CFAP54: variants seen among roughly 807,000 people sequenced by gnomAD.
The protein encoded by CFAP54 is cilia and flagella associated protein 54.
In CFAP54, 290 loss-of-function variants were observed where a neutral mutation model predicts 370.4. That is an observed-to-expected ratio of 0.78 (90% CI 0.71 to 0.86). The LOEUF (loss-of-function observed/expected upper bound fraction) is 0.86. CFAP54 is among the 40% of genes least tolerant of loss of function. CFAP54 has a pLI of 0.00. For synonymous variants in CFAP54, 1,206 were observed against 1,236.5 expected (o/e 0.98, Z 0.52); for missense variants, 3,399 against 3,528.7 (o/e 0.96, Z 0.93).
chr12:96,607,835 A>G (rs1333464676), intron 26 of CFAP54, among the ~76,000 whole-genome samples: 1 of 152,014 alleles, frequency 6.6e-6, no homozygotes, highest in Non-Finnish European at 1.5e-5. Flanking sequence ...AAGTTAAAAC[A>G]CTGGAGCAAC....
chr12:96,576,501 T>G, intron 19 of CFAP54, 84 bp from the exon 20 acceptor site: 1 of 1,020,464 alleles, frequency 9.8e-7, no homozygotes, highest in South Asian at 2.0e-5. Context: ...AATATAACAT[T>G]GTTTAACATC....
At position 96,519,005 on chromosome 12, in the gene CFAP54, G is replaced by A; in HGVS notation, c.876G>A (p.Trp292Ter). The A allele has an allele frequency of 6.5e-7, 1 of 1,536,016 alleles. No individual in the cohort carries two copies. Residue 292 changes from tryptophan (W) to a stop codon, truncating the protein, a stop_gained, in exon 6 of 68, where the codon TGG becomes TGA. Coordinates refer to ENST00000524981, the MANE Select transcript of CFAP54 (RefSeq NM_001306084.2). LOFTEE classifies it high-confidence loss of function. The part of the protein sequence containing the change: ...VPLLSLRYLT[W>*]RATLYTAVCQ... ...TCCTGTCACTCAGGTACTTGACATG[G>A]CGCGCTACTCTCTACACAGCTGTTT...
intron 52 of CFAP54, 75 bp downstream of exon 52, chr12:96,742,661 AT>A: frequency 7.5e-7 from 1 of 1,326,820 alleles, no homozygotes; most frequent in Non-Finnish European, 1.0e-6. Context: ...ATTGGGATAT[AT>A]TTTATTATGT....
chr12:96,623,631 T>G, intron 27 of CFAP54, 136 bp from the exon 28 acceptor site: 1 of 582,338 alleles, frequency 1.7e-6, no homozygotes. Flanking sequence ...TTGTTGTTAA[T>G]TAATATTGTT....
At chr12:96,497,544 CAACTCCATTTTAAAATT>C (rs1954969290) in intron 1 of CFAP54, among the ~76,000 whole-genome samples, 1 of 152,128 alleles carries the variant, frequency 6.6e-6, no homozygotes, top group African/African-American at 2.4e-5. Flanking sequence ...ATTTTAAAAT[CAACTCCATTTTAAAATT>C]AGCAAGGCAC....
intron 63 of CFAP54, among the ~76,000 whole-genome samples, chr12:96,800,803 A>G (rs113480243): frequency 3.3e-5 from 5 of 152,346 alleles, no homozygotes; most frequent in South Asian, 4.1e-4. Flanking sequence ...CAGCAACTCT[A>G]TAAGATAAAC....
At chr12:96,588,993 C>G (rs1172490283) in intron 22 of CFAP54, among the ~76,000 whole-genome samples, 1 of 152,108 alleles carries the variant, frequency 6.6e-6, no homozygotes, top group East Asian at 1.9e-4. Flanking sequence ...CAGTCAGAAC[C>G]AGAAAAGAAT....
At chr12:96,554,835 ATCAATTT>A (rs1175900568) in intron 17 of CFAP54, 33 bp downstream of exon 17, 2 of 1,505,258 alleles carry the variant, frequency 1.3e-6, no homozygotes, top group Non-Finnish European at 1.8e-6. Context: ...ACCATTCTGA[ATCAATTT>A]TAAGCCAGAC....
At chr12:96,594,773 AT>A (rs1182831692) in intron 25 of CFAP54, among the ~76,000 whole-genome samples, 1 of 152,144 alleles carries the variant, frequency 6.6e-6, no homozygotes, top group Non-Finnish European at 1.5e-5. Flanking sequence ...TTCAAGGCAT[AT>A]TGTTAAATCC....
intron 19 of CFAP54, among the ~76,000 whole-genome samples, chr12:96,573,186 T>C (rs1955941292): frequency 6.6e-6 from 1 of 152,228 alleles, no homozygotes; most frequent in African/African-American, 2.4e-5. Context: ...TCTCCTTTCC[T>C]TGTTTTGCAT....
At chr12:96,819,295 G>C (rs753953725) in intron 65 of CFAP54, among the ~76,000 whole-genome samples, 2 of 152,142 alleles carry the variant, frequency 1.3e-5, no homozygotes, top group African/African-American at 2.4e-5. Flanking sequence ...TCACTGTGGC[G>C]GGAGGGAAAG....
chr12:96,727,129 G>A (rs920704450), intron 50 of CFAP54, among the ~76,000 whole-genome samples: 5 of 151,842 alleles, frequency 3.3e-5, no homozygotes, highest in East Asian at 1.9e-4. Flanking sequence ...GTGTGGTGTG[G>A]TGCTGAAAAA....
chr12:96,849,939 A>G (rs933261743), intron 66 of CFAP54, among the ~76,000 whole-genome samples: 1 of 152,178 alleles, frequency 6.6e-6, no homozygotes, highest in Non-Finnish European at 1.5e-5. Flanking sequence ...TTCCTGACCT[A>G]GGGAATGGAA....
intron 1 of CFAP54, among the ~76,000 whole-genome samples, chr12:96,493,275 A>G (rs943008911): frequency 1.3e-5 from 2 of 152,248 alleles, no homozygotes; most frequent in African/African-American, 4.8e-5. Context: ...TATGGGAGTC[A>G]GTATTCATGG....
At chr12:96,581,453 T>A (rs2136426041) in intron 22 of CFAP54, among the ~76,000 whole-genome samples, 1 of 152,224 alleles carries the variant, frequency 6.6e-6, no homozygotes, top group African/African-American at 2.4e-5. Flanking sequence ...ATTTTGTCAA[T>A]GTCTAGAGAA....
intron 20 of CFAP54, among the ~76,000 whole-genome samples, chr12:96,580,057 T>C (rs1956016826): frequency 6.6e-6 from 1 of 151,692 alleles, no homozygotes; most frequent in Admixed American, 6.6e-5. Context: ...TTCATATGTA[T>C]TTTTATATTT....
chr12:96,857,652 A>T (rs548057363), intron 66 of CFAP54, among the ~76,000 whole-genome samples: 12 of 152,220 alleles, frequency 7.9e-5, no homozygotes, highest in Non-Finnish European at 1.3e-4. Flanking sequence ...GTGGGAGGTG[A>T]TTGGATAATG....
intron 3 of CFAP54, 86 bp from the exon 4 acceptor site, chr12:96,506,842 C>G: frequency 8.2e-7 from 1 of 1,214,712 alleles, no homozygotes; most frequent in Non-Finnish European, 1.1e-6. Context: ...CCACCTTGGC[C>G]TCCCTAAGTG....
At chr12:96,865,775 T>C (rs150813294) in intron 67 of CFAP54, among the ~76,000 whole-genome samples, 40 of 152,300 alleles carry the variant, frequency 2.6e-4, no homozygotes, top group African/African-American at 8.4e-4. Flanking sequence ...ACTATGATTC[T>C]CATCTCATTA....
Sources: gnomAD v4.1 joint callset for allele counts (sites outside exome capture counted in the v4.1 genomes callset) on GRCh38, gnomAD v4.1.1 for gene constraint, MANE v1.5 for transcripts, NCBI Gene and HGNC (gene_info 2026-07-23, HGNC 2026-07-21) for gene names.